TAC3: variants seen among roughly 807,000 people sequenced by gnomAD.
TAC3 encodes the protein tachykinin-3.
TAC3 carries 9 observed loss-of-function variants against 16.5 expected under a neutral mutation model. That is an observed-to-expected ratio of 0.55 (90% CI 0.33 to 0.95). TAC3 has a LOEUF of 0.95. Among genes scored for constraint, TAC3 ranks in the 40% least tolerant of loss-of-function variants. The pLI, the probability that TAC3 is intolerant of heterozygous loss-of-function variation, is 0.03. For synonymous variants in TAC3, 52 were observed against 56.7 expected (o/e 0.92, Z 0.37); for missense variants, 129 against 149.1 (o/e 0.87, Z 0.70).
Position 57,010,222 on chromosome 12 carries a change from C to G in TAC3, c.*68G>C, listed in dbSNP as rs753615884. 4.2e-5 allele frequency: 19 copies of G among 453,828 alleles called. No homozygotes were observed. The highest frequency in any genetic ancestry group is 6.8e-4 in the Middle Eastern group (1 of 1,466). 28.1% of individuals were successfully genotyped at this position (453,828 alleles called of 1,614,324 possible). A position where few individuals can be genotyped will look rare whatever the true frequency, so the allele number is the denominator to read the frequency against. On this transcript the variant is annotated 3_prime_UTR_variant, in exon 7 of 7. Transcript: ENST00000458521. ...GAAGAGAAAGGGTAACAGGAGCGTG[C>G]GCACCTGGGGATTGGGACAGGGAAA...
intron 5 of TAC3, 41 bp from the exon 6 acceptor site, chr12:57,012,493 G>A (rs1289636853): frequency 1.2e-6 from 2 of 1,611,266 alleles, no homozygotes; most frequent in Non-Finnish European, 1.7e-6. Context: ...GGATCTTTCT[G>A]AATGTGAACT....
rs1331966158 is a variant in TAC3 at position 57,015,678 on chromosome 12, A to G, written c.114+6T>C. The G allele has an allele frequency of 6.2e-7, 1 of 1,612,530 alleles. No homozygotes were observed. The highest frequency in any genetic ancestry group is 8.5e-7 in the Non-Finnish European group (1 of 1,179,432). ...TGTCCCCAGTACTCTGCCAGGGGAG[A>G]CTTACCTTGCTGCGGCCCCCGCCAG... is the stretch of plus-strand genomic sequence containing the variant. On this transcript the variant is annotated splice_donor_region_variant and intron_variant, in intron 2 of 6. Coordinates refer to ENST00000458521, the MANE Select transcript of TAC3 (RefSeq NM_013251.4).
At chr12:57,014,051 C>T (rs1446477444) in intron 2 of TAC3, among the ~76,000 whole-genome samples, 1 of 152,168 alleles carries the variant, frequency 6.6e-6, no homozygotes, top group Non-Finnish European at 1.5e-5. Context: ...TTTTCCACCA[C>T]CTCTTTCTCT....
chr12:57,012,156 G>A (rs1170816324), intron 6 of TAC3: 3 of 569,504 alleles, frequency 5.3e-6, no homozygotes, highest in Admixed American at 2.8e-5. Flanking sequence ...GTCAGCTGCC[G>A]TCCATGATCC....
intron 2 of TAC3, among the ~76,000 whole-genome samples, chr12:57,015,349 C>A (rs907388549): frequency 6.6e-5 from 10 of 152,090 alleles, no homozygotes; most frequent in African/African-American, 2.2e-4. Flanking sequence ...TGCAAAGGGA[C>A]CTGAGGTAGA....
chr12:57,012,862 G>A lies in TAC3; in HGVS notation c.252C>T (p.Asp84=), dbSNP rs764101592. 1 of 1,614,050 alleles carries A rather than the reference G, an allele frequency of 6.2e-7. No homozygotes were observed. Among genetic ancestry groups the A allele is most frequent in the African/African-American group, 1.3e-5 (1 of 74,918 alleles). Residue 84 remains aspartate (D), a synonymous_variant, in exon 5 of 7, where the codon GAC becomes GAT. Coordinates refer to ENST00000458521, the MANE Select transcript of TAC3 (RefSeq NM_013251.4). ...TCTTGCCCATAAGTCCCACAAAGAA[G>A]TCATGCATGTCACCTGCAGAAAAGG... ...STSPEKRDMH[D]FFVGLMGKRS... is the part of the protein sequence containing the mutation.
chr12:57,014,042 T>C (rs1956340791), intron 2 of TAC3, among the ~76,000 whole-genome samples: 1 of 152,174 alleles, frequency 6.6e-6, no homozygotes, highest in South Asian at 2.1e-4. Flanking sequence ...CTCTCCCTGT[T>C]TTCCACCACC....
chr12:57,015,835 G>C, intron 1 of TAC3, 33 bp from the exon 2 acceptor site: 1 of 1,565,998 alleles, frequency 6.4e-7, no homozygotes, highest in Non-Finnish European at 8.8e-7. Context: ...CTCAGGTAAA[G>C]GAGAGAAGAG....
chr12:57,013,184 C>A, intron 4 of TAC3, 175 bp downstream of exon 4: 1 of 845,348 alleles, frequency 1.2e-6, no homozygotes. Context: ...CTCACACCAG[C>A]TTCCTCCTAG....
intron 4 of TAC3, 109 bp from the exon 5 acceptor site, chr12:57,012,984 C>A (rs1956323205): frequency 7.1e-7 from 1 of 1,401,194 alleles, no homozygotes; most frequent in African/African-American, 1.4e-5. Context: ...GTTCCTTTTT[C>A]TTGTCAAAGC....
intron 6 of TAC3, 46 bp downstream of exon 6, chr12:57,012,332 G>T (rs1230571338): frequency 1.3e-6 from 2 of 1,498,358 alleles, no homozygotes; most frequent in Non-Finnish European, 1.8e-6. Flanking sequence ...AACCCCCACA[G>T]CCCCCTCCCC....
At chr12:57,012,332 G>GCCCCCACCCCCCTC in intron 6 of TAC3, 46 bp downstream of exon 6, 1 of 1,498,476 alleles carries the variant, frequency 6.7e-7, no homozygotes, top group Non-Finnish European at 9.2e-7. Flanking sequence ...AACCCCCACA[G>GCCCCCACCCCCCTC]CCCCCTCCCC....
chr12:57,014,773 G>A (rs1296269060), intron 2 of TAC3, among the ~76,000 whole-genome samples: 1 of 151,988 alleles, frequency 6.6e-6, no homozygotes, highest in African/African-American at 2.4e-5. Context: ...GGCTGCCCTG[G>A]TGATAACTCC....
rs756777532 is a variant in TAC3 at position 57,013,675 on chromosome 12, G to C, written c.115-4C>G. 2.5e-6 allele frequency: 4 copies of C among 1,609,962 alleles called. No individual in the cohort carries two copies. The highest frequency in any genetic ancestry group is 1.1e-5 in the South Asian group (1 of 90,048). On this transcript the variant is annotated splice_region_variant and splice_polypyrimidine_tract_variant and intron_variant, in intron 2 of 6. Transcript: ENST00000458521. ...GCTGGTAGAGATCTGGATCCCTCTA[G>C]GGAAGAAACAAAGAGGGGTGAGGCA...
In TAC3 at chr12:57,013,317, G is replaced by C. The variant is rs369256004; in HGVS notation, c.238+42C>G. 8 of 1,612,000 alleles carry C rather than the reference G, an allele frequency of 5.0e-6. No individual in the cohort carries two copies. The African/African-American group carries it at 6.7e-5, about 13-fold the overall frequency. On this transcript the variant is annotated intron_variant, in intron 4 of 6. Coordinates refer to ENST00000458521, the MANE Select transcript of TAC3 (RefSeq NM_013251.4). Reference sequence around the variant, plus strand: ...TGGGCCCAATGCCCCACAGAGCTCTGGGCAAGTGGCAAGAGATAGGGAGGG... The same window carrying C: ...TGGGCCCAATGCCCCACAGAGCTCTCGGCAAGTGGCAAGAGATAGGGAGGG...
chr12:57,015,598 A>C, intron 2 of TAC3, 86 bp downstream of exon 2: 14 of 1,118,908 alleles, frequency 1.3e-5, no homozygotes, highest in East Asian at 1.0e-4. Flanking sequence ...CAACCCCCCC[A>C]CCCCAGTTTC....
In TAC3 at chr12:57,012,443, G is replaced by C; in HGVS notation, c.302C>G (p.Thr101Arg). 1.2e-6 allele frequency: 2 copies of C among 1,613,966 alleles called. No individual in the cohort carries two copies. The highest frequency in any genetic ancestry group is 1.7e-6 in the Non-Finnish European group (2 of 1,179,960). The change falls in exon 6 of 7, where the codon ACG becomes AGG. Residue 101 changes from threonine (T) to arginine (R), a missense_variant. Thr to Arg is a moderately conservative substitution (Grantham distance 71). Coordinates refer to ENST00000458521, the MANE Select transcript of TAC3 (RefSeq NM_013251.4). ...GGGGACGTTCTCTTGATTCACATCC[G>C]TAGGAGAGTCTAGGGTAAAGCGAAC... ...GKRSVQPDSP[T>R]DVNQENVPSF...
intron 5 of TAC3, 155 bp downstream of exon 5, chr12:57,012,667 G>A (rs776119526): frequency 3.1e-6 from 5 of 1,613,034 alleles, no homozygotes; most frequent in Non-Finnish European, 4.2e-6. Flanking sequence ...ACTTTCCTGT[G>A]GATCCAAGCT....
intron 6 of TAC3, chr12:57,012,174 A>G (rs1042658775): frequency 1.2e-4 from 70 of 591,964 alleles, no homozygotes; most frequent in Non-Finnish European, 1.8e-4. Context: ...TCCAGAGGAA[A>G]GAGATGAAAG....
Sources: allele counts gnomAD v4.1 joint callset (sites outside exome capture counted in the v4.1 genomes callset), GRCh38; gene constraint gnomAD v4.1.1; transcripts MANE v1.5; gene names NCBI Gene and HGNC (gene_info 2026-07-23, HGNC 2026-07-21).